Variants in FAM83F observed in about 807,000 individuals in gnomAD.
FAM83F encodes protein FAM83F.
Under a neutral mutation model 42.9 loss-of-function variants are expected in FAM83F, and 45 were observed. That is an observed-to-expected ratio of 1.05 (90% CI 0.83 to 1.35). The LOEUF (loss-of-function observed/expected upper bound fraction) is 1.35, where lower values mean the gene tolerates loss of function less well. Among genes scored for constraint, FAM83F ranks in the 40% most tolerant of loss-of-function variants. The pLI is 0.00. For missense variants in FAM83F, 617 were observed against 695.9 expected (o/e 0.89, Z 1.28); for synonymous variants, 306 against 298.3 (o/e 1.03, Z -0.27).
At position 40,019,182 on chromosome 22, in the gene FAM83F, C is replaced by A; in HGVS notation, c.504C>A (p.Val168=). 1 of 1,614,082 alleles carries A rather than the reference C, an allele frequency of 6.2e-7. No homozygotes were observed. The highest frequency in any genetic ancestry group is 1.1e-5 in the South Asian group (1 of 91,066). ...TCCCCACCCAGGTCATTGCTGTGGT[C>A]ATGGACCTCTTCACTGATGGTGATA... The part of the protein sequence containing the change: ...IQQAQKVIAV[V]MDLFTDGDIF... Residue 168 remains valine, a synonymous_variant, in exon 2 of 5, where the codon GTC becomes GTA. Coordinates refer to ENST00000333407, the MANE Select transcript of FAM83F (RefSeq NM_138435.4).
chr22:40,007,104 C>G (rs555678350), intron 1 of FAM83F, among the ~76,000 whole-genome samples: 1 of 151,964 alleles, frequency 6.6e-6, no homozygotes, highest in South Asian at 2.1e-4. Context: ...CACTGCAGTA[C>G]ACTTCCGTAC....
intron 1 of FAM83F, among the ~76,000 whole-genome samples, chr22:40,015,423 C>A (rs1370649659): frequency 6.6e-6 from 1 of 152,204 alleles, no homozygotes; most frequent in African/African-American, 2.4e-5. Context: ...GTTTGCCCAG[C>A]CAAGCGAACA....
In FAM83F at chr22:40,021,671, C is replaced by G. The variant is rs776961253; in HGVS notation, c.1161C>G (p.Pro387=). ...TTACGGTGGAGCAGGTGCTGCCCCC[C>G]GTGGAGCCCATCCCCTTGGGAGAGC... ...DLVTVEQVLP[P]VEPIPLGELS... Residue 387 remains proline (P), a synonymous_variant, in exon 4 of 5, where the codon CCC becomes CCG. Coordinates refer to ENST00000333407, the MANE Select transcript of FAM83F (RefSeq NM_138435.4). This position sits in a 1 kb window ranked among gnomAD's most constrained non-coding sequence, Gnocchi z 8.7. The G allele has an allele frequency of 2.5e-6, 4 of 1,610,750 alleles. No homozygotes were observed. Among genetic ancestry groups the G allele is most frequent in the Non-Finnish European group, 3.4e-6 (4 of 1,177,988 alleles).
At position 40,042,508 on chromosome 22, in the gene FAM83F, T is replaced by G. The variant is rs938092958; in HGVS notation, c.*12943T>G. On this transcript the variant is annotated 3_prime_UTR_variant, in exon 5 of 5. Transcript: ENST00000333407. ...GAAGCCATTTCTGTCCCTCCCGAGA[T>G]GGAGTCCCATGTCCCTACCATTTGC... The G allele has an allele frequency of 1.3e-5, 2 of 152,252 alleles. No individual in the cohort carries two copies. Among genetic ancestry groups the G allele is most frequent in the Admixed American group, 6.5e-5 (1 of 15,282 alleles). The allele number at this position is 152,252 out of a possible 1,614,324, so 9.4% of individuals were successfully genotyped here.
chr22:40,022,016 C>G, intron 4 of FAM83F, 53 bp downstream of exon 4: 2 of 1,447,410 alleles, frequency 1.4e-6, no homozygotes, highest in Non-Finnish European at 1.8e-6. Flanking sequence ...GGCCCTCGCC[C>G]CGCATCGGCT....
chr22:39,997,589 T>G (rs2067378121), intron 1 of FAM83F, among the ~76,000 whole-genome samples: 1 of 152,150 alleles, frequency 6.6e-6, no homozygotes, highest in Non-Finnish European at 1.5e-5. Flanking sequence ...TGAATGTGCC[T>G]AATCTGGGAA....
At chr22:40,017,332 G>A (rs960950605) in intron 1 of FAM83F, among the ~76,000 whole-genome samples, 4 of 148,854 alleles carry the variant, frequency 2.7e-5, no homozygotes, top group African/African-American at 1.0e-4. Context: ...GGGTTGCAAT[G>A]AGCGATTCTC....
intron 2 of FAM83F, 122 bp downstream of exon 2, chr22:40,019,457 A>C: frequency 1.1e-4 from 89 of 838,368 alleles, no homozygotes; most frequent in Middle Eastern, 2.8e-4. Flanking sequence ...TCAAGATCTC[A>C]ACACCTTTCC....
rs1407787845 is a variant in FAM83F at position 40,038,301 on chromosome 22, A to T, written c.*8736A>T. 1 of 152,248 alleles carries T rather than the reference A, an allele frequency of 6.6e-6. No individual in the cohort carries two copies. The highest frequency in any genetic ancestry group is 2.4e-5 in the African/African-American group (1 of 41,406). 9.4% of individuals were successfully genotyped at this position (152,248 alleles called of 1,614,324 possible). A position where few individuals can be genotyped will look rare whatever the true frequency, so the allele number is the denominator to read the frequency against. On this transcript the variant is annotated 3_prime_UTR_variant, in exon 5 of 5. Transcript: ENST00000333407. ...CCGATACCTGAGGAGTGAATGGAGGAGGGGACAATGAGGCAAGGCATTCCA... is the reference window on the plus strand; with the variant it reads ...CCGATACCTGAGGAGTGAATGGAGGTGGGGACAATGAGGCAAGGCATTCCA...
At chr22:40,016,293 C>G (rs1055819796) in intron 1 of FAM83F, among the ~76,000 whole-genome samples, 11 of 152,108 alleles carry the variant, frequency 7.2e-5, no homozygotes, top group African/African-American at 2.7e-4. Flanking sequence ...GCCTCAACCT[C>G]ATAGGCTCAA....
Position 39,995,179 on chromosome 22 carries a change from A to C in FAM83F, c.137A>C (p.Tyr46Ser). 6.7e-7 allele frequency: 1 copy of C among 1,485,068 alleles called. No individual in the cohort carries two copies. Among genetic ancestry groups the C allele is most frequent in the East Asian group, 2.6e-5 (1 of 38,854 alleles). The allele number at this position is 1,485,068 out of a possible 1,614,324, so 92.0% of individuals were successfully genotyped here. A position where few individuals can be genotyped will look rare whatever the true frequency, so the allele number is the denominator to read the frequency against. ...CTGCTGGGCGGCGGCGAGCAGGCCT[A>C]CCGCGAGCGGCTCAAGGAGGAGCAG... ...EALLGGGEQA[Y>S]RERLKEEQLR... The change falls in exon 1 of 5, where the codon TAC becomes TCC. Residue 46 changes from tyrosine (Y) to serine (S), a missense_variant. Transcript: ENST00000333407. This position sits in a 1 kb window ranked among gnomAD's most constrained non-coding sequence, Gnocchi z 4.6.
intron 1 of FAM83F, among the ~76,000 whole-genome samples, chr22:40,007,552 C>G (rs1412484004): frequency 7.9e-5 from 1 of 12,614 alleles, no homozygotes; most frequent in Non-Finnish European, 2.0e-4. Flanking sequence ...CTCCTCTCCT[C>G]CTCCTCTCCT....
chr22:40,011,198 G>A (rs2067461483), intron 1 of FAM83F, among the ~76,000 whole-genome samples: 1 of 151,972 alleles, frequency 6.6e-6, no homozygotes, highest in East Asian at 1.9e-4. Flanking sequence ...TTTTTGTTTT[G>A]TTTTGTTTTT....
rs997682767 is a variant in FAM83F at position 40,023,848 on chromosome 22, C to A, written c.1453+1885C>A. Among the ~76,000 whole-genome samples the A allele has an allele frequency of 1.1e-4, 17 of 152,184 alleles. No homozygotes were observed. Among genetic ancestry groups the A allele is most frequent in the Non-Finnish European group, 2.1e-4 (14 of 68,030 alleles). On this transcript the variant is annotated intron_variant, in intron 4 of 4. Coordinates refer to ENST00000333407, the MANE Select transcript of FAM83F (RefSeq NM_138435.4). This position sits in a 1 kb window ranked among gnomAD's most constrained non-coding sequence, Gnocchi z 4.1. ...AAGGTCCGGGGATGCCCGGAACCAT[C>A]ATCCCGTTCCTTGTCCGTCCTTTAG...
At position 40,021,327 on chromosome 22, in the gene FAM83F, C is replaced by T; in HGVS notation, c.817C>T (p.Leu273Phe). 6.4e-7 allele frequency: 1 copy of T among 1,569,586 alleles called. No homozygotes were observed. Among genetic ancestry groups the T allele is most frequent in the Non-Finnish European group, 8.7e-7 (1 of 1,153,004 alleles). ...WSSSHVDRNL[L>F]LLLTGQNVEP... The stretch of plus-strand genomic sequence containing the variant: ...TTCCTCCCATGTGGACAGAAACCTC[C>T]TCCTGCTCCTGACAGGACAGAACGT... The change falls in exon 4 of 5, where the codon CTC (leucine) becomes TTC (phenylalanine). Residue 273 changes from leucine (L) to phenylalanine (F), a missense_variant. By Grantham distance (22) the Leu-to-Phe change is conservative. Transcript: ENST00000333407. This position sits in a 1 kb window ranked among gnomAD's most constrained non-coding sequence, Gnocchi z 8.7.
chr22:40,001,174 G>A (rs957936151), intron 1 of FAM83F, among the ~76,000 whole-genome samples: 4 of 152,160 alleles, frequency 2.6e-5, no homozygotes, highest in African/African-American at 9.7e-5. Context: ...GCATTTCTGA[G>A]CAATGGACCA....
At chr22:40,015,457 C>G (rs1417758136) in intron 1 of FAM83F, among the ~76,000 whole-genome samples, 1 of 152,204 alleles carries the variant, frequency 6.6e-6, no homozygotes, top group Admixed American at 6.5e-5. Flanking sequence ...GGCACGGTCC[C>G]TTTGTTTGTG....
At chr22:40,016,429 G>GCTCAAGCAGTCCTCCTGTC in intron 1 of FAM83F, among the ~76,000 whole-genome samples, 1 of 152,012 alleles carries the variant, frequency 6.6e-6, no homozygotes, top group Non-Finnish European at 1.5e-5. Context: ...AAACTCCTGA[G>GCTCAAGCAGTCCTCCTGTC]CTCAAGCAGT....
intron 1 of FAM83F, among the ~76,000 whole-genome samples, chr22:39,996,641 C>A (rs1039257654): frequency 6.6e-6 from 1 of 152,062 alleles, no homozygotes; most frequent in Non-Finnish European, 1.5e-5. Flanking sequence ...TGGTTCCCCT[C>A]GAGGCTGAAG....
Sources: allele counts gnomAD v4.1 joint callset (sites outside exome capture counted in the v4.1 genomes callset), GRCh38; gene constraint gnomAD v4.1.1; non-coding constraint Gnocchi (gnomAD v3.1); transcripts MANE v1.5; gene names NCBI Gene and HGNC (gene_info 2026-07-23, HGNC 2026-07-21).